TP53BP2: variants seen among roughly 807,000 people sequenced by gnomAD.
The protein encoded by TP53BP2 is tumor protein p53 binding protein 2.
Under a neutral mutation model 126.2 loss-of-function variants are expected in TP53BP2, and 62 were observed. That is an observed-to-expected ratio of 0.49 (90% CI 0.40 to 0.61). The LOEUF (loss-of-function observed/expected upper bound fraction) is 0.61. Among genes scored for constraint, TP53BP2 ranks in the 20% least tolerant of loss-of-function variants. The probability of loss-of-function intolerance (pLI) is 0.00; values close to 1 mark genes in which losing one functional copy is unlikely to be tolerated. For synonymous variants in TP53BP2, 485 were observed against 502.9 expected, an observed-to-expected ratio of 0.96 and a Z score of 0.48; for missense variants, 1,215 against 1,402.8, an observed-to-expected ratio of 0.87 and a Z score of 2.14.
rs187464771 is a variant in TP53BP2 at position 223,798,393 on chromosome 1, G to C, written c.1770C>G (p.Pro590=). 16 of 1,614,160 alleles carry C rather than the reference G, an allele frequency of 9.9e-6. No individual in the cohort carries two copies. In the Admixed American group the frequency reaches 1.8e-4, roughly 18 times the overall value. The part of the protein sequence containing the change: ...QESPPAAAVR[P]FTPQPSKDTL... ...TGTCTTTGGAAGGCTGGGGAGTAAA[G>C]GGCCGGACGGCAGCAGCAGGTGGAC... is the stretch of plus-strand genomic sequence containing the variant. The change falls in exon 12 of 18, where the codon CCC becomes CCG. Residue 590 remains proline (P), a synonymous_variant. Coordinates refer to ENST00000343537, the MANE Select transcript of TP53BP2 (RefSeq NM_001031685.3).
intron 1 of TP53BP2, among the ~76,000 whole-genome samples, chr1:223,837,155 A>AGCGGGGGGGGGGGGGGG (rs1558111841): frequency 1.3e-5 from 1 of 76,686 alleles, no homozygotes; most frequent in African/African-American, 4.8e-5. Context: ...TAAAAAAAAA[A>AGCGGGGGGGGGGGGGGG]GGGGGGGGGC....
At chr1:223,845,598 C>A (rs531186160) in intron 1 of TP53BP2, 56 bp downstream of exon 1, 12 of 1,509,386 alleles carry the variant, frequency 8.0e-6, no homozygotes, top group Non-Finnish European at 8.8e-6. Flanking sequence ...GACCAGCCCC[C>A]GGCACGCGAC....
In TP53BP2 at chr1:223,798,289, G is replaced by A. The variant is rs750198304; in HGVS notation, c.1874C>T (p.Pro625Leu). 3 of 1,614,180 alleles carry A rather than the reference G, an allele frequency of 1.9e-6. No homozygotes were observed. Among genetic ancestry groups the A allele is most frequent in the Non-Finnish European group, 2.5e-6 (3 of 1,180,038 alleles). The stretch of plus-strand genomic sequence containing the variant: ...CACAGCCTGCTGGAAGTTTTTTCCT[G>A]GCGCCTGCTGTTGCGTATACATGGA... ...IYSMYTQQQA[P>L]GKNFQQAVQS... The change falls in exon 12 of 18, where the codon CCA becomes CTA. Residue 625 changes from proline (P) to leucine (L), a missense_variant. Physicochemically the swap from Pro to Leu is moderately conservative, Grantham distance 98. Transcript: ENST00000343537.
intron 1 of TP53BP2, among the ~76,000 whole-genome samples, chr1:223,841,360 G>T (rs574434106): frequency 6.6e-6 from 1 of 152,206 alleles, no homozygotes; most frequent in Non-Finnish European, 1.5e-5. Context: ...CCTCTCTTTA[G>T]GGACCTAATC....
intron 1 of TP53BP2, among the ~76,000 whole-genome samples, chr1:223,826,792 G>A (rs1004342790): frequency 2.6e-5 from 4 of 152,142 alleles, no homozygotes; most frequent in African/African-American, 9.7e-5. Context: ...ACTACAGGAG[G>A]ACTGGCATGA....
At chr1:223,816,976 A>G (rs1663108508) in intron 2 of TP53BP2, among the ~76,000 whole-genome samples, 1 of 151,560 alleles carries the variant, frequency 6.6e-6, no homozygotes, top group Admixed American at 6.6e-5. Context: ...CCTAGGCAAC[A>G]TAGCAAAACC....
At chr1:223,845,303 G>A (rs183256666) in intron 1 of TP53BP2, 2 of 972,542 alleles carry the variant, frequency 2.1e-6, no homozygotes, top group South Asian at 9.5e-5. Context: ...AAGGTCCCCG[G>A]TTCCCGTATT....
At chr1:223,795,489 A>G (rs1459715425) in intron 13 of TP53BP2, among the ~76,000 whole-genome samples, 1 of 152,226 alleles carries the variant, frequency 6.6e-6, no homozygotes, top group Non-Finnish European at 1.5e-5. Flanking sequence ...CTAGTAATCA[A>G]AAGTTTCAAA....
chr1:223,823,505 T>C (rs1229584786), intron 1 of TP53BP2, among the ~76,000 whole-genome samples: 1 of 152,196 alleles, frequency 6.6e-6, no homozygotes, highest in African/African-American at 2.4e-5. Context: ...AATTTTTTAA[T>C]GGAAAAATAA....
intron 15 of TP53BP2, 73 bp downstream of exon 15, chr1:223,792,316 C>T: frequency 6.7e-7 from 1 of 1,493,164 alleles, no homozygotes; most frequent in South Asian, 1.3e-5. Flanking sequence ...TGTCTTCCAA[C>T]AGCACTATGA....
chr1:223,816,725 A>G (rs971864871), intron 2 of TP53BP2, among the ~76,000 whole-genome samples: 2 of 152,208 alleles, frequency 1.3e-5, no homozygotes, highest in African/African-American at 2.4e-5. Context: ...TTGCAGAAGG[A>G]AATCTGACAA....
intron 14 of TP53BP2, among the ~76,000 whole-genome samples, chr1:223,793,099 C>T (rs753975344): frequency 1.3e-5 from 2 of 152,072 alleles, no homozygotes; most frequent in African/African-American, 4.8e-5. Flanking sequence ...TATTCTAAAG[C>T]GTGCCCAAGA....
At chr1:223,792,991 C>G (rs764023519) in intron 14 of TP53BP2, among the ~76,000 whole-genome samples, 32 of 151,990 alleles carry the variant, frequency 2.1e-4, no homozygotes, top group Non-Finnish European at 3.2e-4. Flanking sequence ...GAGTAATGAT[C>G]TCTCTTAAGA....
At chr1:223,842,588 T>C (rs1664138589) in intron 1 of TP53BP2, among the ~76,000 whole-genome samples, 2 of 152,250 alleles carry the variant, frequency 1.3e-5, no homozygotes, top group African/African-American at 4.8e-5. Context: ...AAATTTATTA[T>C]TTCAACAGCA....
intron 15 of TP53BP2, among the ~76,000 whole-genome samples, chr1:223,790,668 A>C (rs1299209849): frequency 1.3e-5 from 2 of 150,048 alleles, no homozygotes; most frequent in Non-Finnish European, 3.0e-5. Flanking sequence ...ACAGCAATGC[A>C]ATCTCAGCTC....
At chr1:223,803,684 T>C (rs1662614278) in intron 6 of TP53BP2, among the ~76,000 whole-genome samples, 1 of 152,236 alleles carries the variant, frequency 6.6e-6, no homozygotes, top group African/African-American at 2.4e-5. Context: ...AAAAATATTA[T>C]TAAACTCCAA....
At chr1:223,808,728 TAA>T (rs78883797) in intron 4 of TP53BP2, among the ~76,000 whole-genome samples, 50 of 130,486 alleles carry the variant, frequency 3.8e-4, no homozygotes, top group Middle Eastern at 4.0e-3. Flanking sequence ...TATGCTCCAT[TAA>T]AAAAAAAAAA....
At position 223,796,596 on chromosome 1, in the gene TP53BP2, T is replaced by C. The variant is rs1558092370; in HGVS notation, c.1949-6A>G. 6.5e-7 allele frequency: 1 copy of C among 1,538,018 alleles called. No homozygotes were observed. The highest frequency in any genetic ancestry group is 2.2e-5 in the Admixed American group (1 of 45,304). On this transcript the variant is annotated splice_polypyrimidine_tract_variant and splice_region_variant and intron_variant, in intron 12 of 17. Transcript: ENST00000343537. The surrounding 1 kb of genome is among the most constrained non-coding windows in gnomAD (Gnocchi z 4.2). ...AATTACAGGCTTACCATATACTAAT[T>C]GGAAAAGGAAAAAAAAAAGCCCTCA...
chr1:223,789,766 G>A (rs1261960391), intron 15 of TP53BP2, among the ~76,000 whole-genome samples: 1 of 152,124 alleles, frequency 6.6e-6, no homozygotes, highest in Non-Finnish European at 1.5e-5. Context: ...TAGGTAACTG[G>A]TCAGCAGGAA....
Sources: allele counts gnomAD v4.1 joint callset (sites outside exome capture counted in the v4.1 genomes callset), GRCh38; gene constraint gnomAD v4.1.1; non-coding constraint Gnocchi (gnomAD v3.1); transcripts MANE v1.5; gene names NCBI Gene and HGNC (gene_info 2026-07-23, HGNC 2026-07-21).